NFAT5: variants seen among roughly 807,000 people sequenced by gnomAD.
The protein encoded by NFAT5 is nuclear factor of activated T cells 5.
In NFAT5, 31 loss-of-function variants were observed where a neutral mutation model predicts 166.5. That is an observed-to-expected ratio of 0.19 (90% CI 0.14 to 0.25). NFAT5 has a LOEUF of 0.25. Among genes scored for constraint, NFAT5 ranks in the 10% least tolerant of loss-of-function variants. The pLI is 1.00. For synonymous variants in NFAT5, 612 were observed against 639.7 expected (o/e 0.96, Z 0.65); for missense variants, 1,449 against 1,821.8 (o/e 0.80, Z 3.72).
chr16:69,644,466 A>G (rs2035350385), intron 3 of NFAT5, among the ~76,000 whole-genome samples: 1 of 152,144 alleles, frequency 6.6e-6, no homozygotes, highest in Non-Finnish European at 1.5e-5. Flanking sequence ...TTTTTCTTTA[A>G]TAAGTATGCC....
intron 2 of NFAT5, among the ~76,000 whole-genome samples, chr16:69,594,576 A>G (rs2032676769): frequency 6.6e-6 from 1 of 152,116 alleles, no homozygotes; most frequent in African/African-American, 2.4e-5. Flanking sequence ...CTGTATTATG[A>G]TCTTATGGCA....
intron 3 of NFAT5, among the ~76,000 whole-genome samples, chr16:69,637,601 A>C (rs1248878234): frequency 1.3e-5 from 2 of 152,210 alleles, no homozygotes; most frequent in Non-Finnish European, 2.9e-5. Flanking sequence ...AACCCCTGAT[A>C]AACTCATCAG....
At chr16:69,570,202 G>T (rs1442663883) in intron 2 of NFAT5, among the ~76,000 whole-genome samples, 1 of 152,036 alleles carries the variant, frequency 6.6e-6, no homozygotes, top group African/African-American at 2.4e-5. Context: ...TTAAAGTAAG[G>T]CTACCCTTTT....
intron 6 of NFAT5, among the ~76,000 whole-genome samples, chr16:69,656,751 C>T (rs912170349): frequency 6.6e-6 from 1 of 152,092 alleles, no homozygotes; most frequent in Non-Finnish European, 1.5e-5. Flanking sequence ...TGCACCCAGC[C>T]GAAAAACTGT....
intron 2 of NFAT5, among the ~76,000 whole-genome samples, chr16:69,621,563 A>G (rs1279309269): frequency 6.6e-6 from 1 of 152,174 alleles, no homozygotes; most frequent in Non-Finnish European, 1.5e-5. Flanking sequence ...CTGGAATTTC[A>G]TTATTCTCTT....
intron 2 of NFAT5, among the ~76,000 whole-genome samples, chr16:69,572,787 AAG>A (rs1263392661): frequency 6.6e-6 from 1 of 152,208 alleles, no homozygotes. Flanking sequence ...TATCAAATGA[AAG>A]AACTGGTTAA....
rs1275512541 is a variant in NFAT5, at chr16:69,700,941, T to A, written c.*4590T>A. The stretch of plus-strand genomic sequence containing the variant: ...ATGGTCCCAGGTCCCAGTGCTCTAG[T>A]TACTTTACTTCTTTTTTTTTTTTTG... On this transcript the variant is annotated 3_prime_UTR_variant, in exon 15 of 15. Transcript: ENST00000349945. The A allele has an allele frequency of 6.7e-6, 1 of 148,778 alleles. No individual in the cohort carries two copies. Among genetic ancestry groups the A allele is most frequent in the East Asian group, 2.0e-4 (1 of 4,906 alleles). 9.2% of individuals were successfully genotyped at this position (148,778 alleles called of 1,614,324 possible). A position where few individuals can be genotyped will look rare whatever the true frequency, so the allele number is the denominator to read the frequency against.
At chr16:69,641,321 T>C (rs1567565840) in intron 3 of NFAT5, among the ~76,000 whole-genome samples, 1 of 150,608 alleles carries the variant, frequency 6.6e-6, no homozygotes, top group Non-Finnish European at 1.5e-5. Flanking sequence ...TCCAAATATC[T>C]TTTTTTTAAT....
chr16:69,608,687 T>C (rs2033547025), intron 2 of NFAT5, among the ~76,000 whole-genome samples: 1 of 151,928 alleles, frequency 6.6e-6, no homozygotes, highest in Admixed American at 6.6e-5. Context: ...CAATTTCTGC[T>C]CACTGCAAGC....
chr16:69,627,692 A>AACT (rs2034532910), intron 3 of NFAT5, among the ~76,000 whole-genome samples: 1 of 152,156 alleles, frequency 6.6e-6, no homozygotes, highest in South Asian at 2.1e-4. Context: ...ATGGCAAAGA[A>AACT]ACTGATCAGC....
At chr16:69,663,766 A>G (rs1195546950) in intron 7 of NFAT5, among the ~76,000 whole-genome samples, 1 of 152,016 alleles carries the variant, frequency 6.6e-6, no homozygotes, top group Non-Finnish European at 1.5e-5. Context: ...AGACCCAGCT[A>G]CTTGAGAGAC....
At chr16:69,683,035 A>C (rs1008503256) in intron 10 of NFAT5, among the ~76,000 whole-genome samples, 2 of 152,264 alleles carry the variant, frequency 1.3e-5, no homozygotes, top group East Asian at 3.9e-4. Flanking sequence ...AACATGGAGA[A>C]ACCCCATCTC....
At chr16:69,663,269 T>G (rs1033592351) in intron 7 of NFAT5, among the ~76,000 whole-genome samples, 1 of 152,180 alleles carries the variant, frequency 6.6e-6, no homozygotes, top group Admixed American at 6.6e-5. Flanking sequence ...CTTCTAATTA[T>G]TGGTTTAACA....
At chr16:69,657,293 G>A (rs966205831) in intron 6 of NFAT5, among the ~76,000 whole-genome samples, 1 of 151,592 alleles carries the variant, frequency 6.6e-6, no homozygotes, top group Non-Finnish European at 1.5e-5. Flanking sequence ...ACCGTACCTG[G>A]CTAATTTTTG....
chr16:69,583,055 T>C (rs1399861380), intron 2 of NFAT5, among the ~76,000 whole-genome samples: 2 of 151,702 alleles, frequency 1.3e-5, no homozygotes, highest in Non-Finnish European at 2.9e-5. Context: ...TTTAAAAATT[T>C]ATTTATAAGT....
chr16:69,692,175 A>C lies in NFAT5; in HGVS notation c.2350A>C (p.Asn784His). ...TTCATCAAATATTTTTCCATCACCA[A>C]ATAGTGTGAGTCAGCTTCAGAATAC... is the stretch of plus-strand genomic sequence containing the variant. ...QISSNIFPSP[N>H]SVSQLQNTIQ... is the part of the protein sequence containing the mutation. The change falls in exon 13 of 15, where the codon AAT (asparagine) becomes CAT (histidine). Residue 784 changes from asparagine (N) to histidine (H), a missense_variant. Transcript: ENST00000349945. 6.2e-7 allele frequency: 1 copy of C among 1,614,154 alleles called. No individual in the cohort carries two copies. Among genetic ancestry groups the C allele is most frequent in the Non-Finnish European group, 8.5e-7 (1 of 1,180,044 alleles).
chr16:69,693,839 A>G lies in NFAT5; in HGVS notation c.4014A>G (p.Gln1338=). ...HQQSNMAPMN[Q]EQQPMQFQSQ... ...AAAGTAACATGGCCCCAATGAATCAAGAGCAACAGCCCATGCAATTTCAGA... is the reference window on the plus strand; with the variant it reads ...AAAGTAACATGGCCCCAATGAATCAGGAGCAACAGCCCATGCAATTTCAGA... Residue 1338 remains glutamine (Q), a synonymous_variant, in exon 13 of 15, where the codon CAA becomes CAG. Coordinates refer to ENST00000349945, the MANE Select transcript of NFAT5 (RefSeq NM_138713.4). 1 of 1,614,246 alleles carries G rather than the reference A, an allele frequency of 6.2e-7. No homozygotes were observed. The highest frequency in any genetic ancestry group is 1.1e-5 in the South Asian group (1 of 91,086).
chr16:69,625,358 C>T (rs968865796), intron 2 of NFAT5, among the ~76,000 whole-genome samples: 1 of 151,618 alleles, frequency 6.6e-6, no homozygotes, highest in Non-Finnish European at 1.5e-5. Flanking sequence ...TATAGTATTA[C>T]AAAATATTTT....
chr16:69,657,658 G>C (rs2035941798), intron 6 of NFAT5, among the ~76,000 whole-genome samples: 1 of 147,378 alleles, frequency 6.8e-6, no homozygotes, highest in Non-Finnish European at 1.5e-5. Flanking sequence ...TACTTGGGAG[G>C]CCAAAGCAGA....
Sources: allele counts gnomAD v4.1 joint callset (sites outside exome capture counted in the v4.1 genomes callset), GRCh38; gene constraint gnomAD v4.1.1; transcripts MANE v1.5; gene names NCBI Gene and HGNC (gene_info 2026-07-23, HGNC 2026-07-21).